Variants in SVOP observed in about 807,000 individuals in gnomAD.
The protein encoded by SVOP is synaptic vesicle 2-related protein.
In SVOP, 17 loss-of-function variants were observed where a neutral mutation model predicts 69.1. The ratio of observed to expected loss-of-function variants is 0.25; its 90% CI spans 0.17 to 0.37. The LOEUF (loss-of-function observed/expected upper bound fraction) is 0.37, where lower values mean the gene tolerates loss of function less well. Among genes scored for constraint, SVOP ranks in the 10% least tolerant of loss-of-function variants. The pLI, the probability that SVOP is intolerant of heterozygous loss-of-function variation, is 1.00. For synonymous variants in SVOP, 238 were observed against 238.6 expected, an observed-to-expected ratio of 1.00 and a Z score of 0.02; for missense variants, 435 against 597.5, an observed-to-expected ratio of 0.73 and a Z score of 2.84.
intron 1 of SVOP, among the ~76,000 whole-genome samples, chr12:108,993,380 A>AG (rs2040213976): frequency 6.7e-6 from 1 of 148,740 alleles, no homozygotes; most frequent in African/African-American, 2.5e-5. Context: ...TTTGCCTTCA[A>AG]AAAAAAAAAA....
At chr12:108,937,106 C>T (rs2039861097) in intron 10 of SVOP, 158 bp downstream of exon 10, 3 of 712,344 alleles carry the variant, frequency 4.2e-6, no homozygotes, top group Non-Finnish European at 7.6e-6. Context: ...AGATGATAAC[C>T]TGGATATGAC....
intron 5 of SVOP, among the ~76,000 whole-genome samples, chr12:108,968,289 T>C (rs528167220): frequency 6.6e-6 from 1 of 152,320 alleles, no homozygotes; most frequent in East Asian, 1.9e-4. Context: ...GCAGCCCCTT[T>C]CCTCACGGAG....
chr12:108,977,752 A>G (rs2040114989), intron 3 of SVOP, among the ~76,000 whole-genome samples: 1 of 151,846 alleles, frequency 6.6e-6, no homozygotes, highest in Non-Finnish European at 1.5e-5. Flanking sequence ...AAATATGGGC[A>G]TATCACAAAC....
chr12:108,937,420 A>T, intron 9 of SVOP, 83 bp from the exon 10 acceptor site: 1 of 1,337,564 alleles, frequency 7.5e-7, no homozygotes, highest in Non-Finnish European at 1.1e-6. Flanking sequence ...ACTAGTGCAC[A>T]CCAGGCTGGG....
intron 11 of SVOP, among the ~76,000 whole-genome samples, chr12:108,923,387 G>A (rs570295717): frequency 9.2e-5 from 14 of 152,270 alleles, no homozygotes; most frequent in African/African-American, 3.1e-4. Flanking sequence ...TAGTTGCTGA[G>A]GGCAGCCTCA....
At chr12:108,912,873 C>T in intron 15 of SVOP, 132 bp from the exon 16 acceptor site, 1 of 940,860 alleles carries the variant, frequency 1.1e-6, no homozygotes, top group Non-Finnish European at 1.6e-6. Context: ...GTGATTCCCT[C>T]CTCTCCCCCT....
intron 1 of SVOP, among the ~76,000 whole-genome samples, chr12:108,986,310 T>C (rs2040165539): frequency 6.6e-6 from 1 of 152,238 alleles, no homozygotes; most frequent in Admixed American, 6.5e-5. Flanking sequence ...GAACCGGGAT[T>C]CAACCACAGG....
At position 108,922,757 on chromosome 12, in the gene SVOP, C is replaced by A. The variant is rs745966486; in HGVS notation, c.1089G>T (p.Leu363=). 6.2e-7 allele frequency: 1 copy of A among 1,611,468 alleles called. No individual in the cohort carries two copies. Among genetic ancestry groups the A allele is most frequent in the Admixed American group, 1.7e-5 (1 of 59,650 alleles). Residue 363 remains leucine (L), a synonymous_variant, in exon 12 of 16, where the codon CTG becomes CTT. Coordinates refer to ENST00000610966, the MANE Select transcript of SVOP (RefSeq NM_018711.5). ...RKKAVEAKCS[L]ACEYLSEEDY... Reference sequence around the variant, plus strand: ...CCTCCTCACTCAGGTACTCGCAGGCCAGGCTGCATTTTGCCTCTACAGCCT... The same window carrying A: ...CCTCCTCACTCAGGTACTCGCAGGCAAGGCTGCATTTTGCCTCTACAGCCT...
chr12:109,016,245 CA>C (rs1042628834), intron 1 of SVOP, among the ~76,000 whole-genome samples: 3 of 152,214 alleles, frequency 2.0e-5, no homozygotes, highest in Non-Finnish European at 4.4e-5. Context: ...GGCCCGAGGC[CA>C]CCCAGATAGG....
At chr12:108,929,515 C>A (rs1184290696) in intron 11 of SVOP, among the ~76,000 whole-genome samples, 3 of 152,110 alleles carry the variant, frequency 2.0e-5, no homozygotes, top group African/African-American at 7.2e-5. Context: ...CACTATGTTG[C>A]CCAGGCTGGT....
At position 108,945,090 on chromosome 12, in the gene SVOP, C is replaced by G. The variant is rs377634111; in HGVS notation, c.642+13G>C. Reference sequence around the variant, plus strand: ...CCACATGCTCTAGAGACCCAGGCCGCTCTCCTCCTTACCTCAATCAGCAAA... The same window carrying G: ...CCACATGCTCTAGAGACCCAGGCCGGTCTCCTCCTTACCTCAATCAGCAAA... On this transcript the variant is annotated intron_variant, in intron 7 of 15. Transcript: ENST00000610966. 1.2e-4 allele frequency: 182 copies of G among 1,536,752 alleles called. No individual in the cohort carries two copies. Among genetic ancestry groups the G allele is most frequent in the Non-Finnish European group, 1.5e-4 (176 of 1,146,700 alleles).
intron 1 of SVOP, among the ~76,000 whole-genome samples, chr12:108,992,098 A>C (rs2040205541): frequency 6.6e-6 from 1 of 152,188 alleles, no homozygotes; most frequent in Non-Finnish European, 1.5e-5. Context: ...TGTAGTATTT[A>C]CCAATATCTG....
chr12:108,956,345 CTT>C, intron 6 of SVOP, among the ~76,000 whole-genome samples: 1 of 151,808 alleles, frequency 6.6e-6, no homozygotes, highest in East Asian at 1.9e-4. Context: ...TAGGCTGTCT[CTT>C]CCAGTCTTCC....
intron 6 of SVOP, among the ~76,000 whole-genome samples, chr12:108,948,122 AG>A (rs1029082326): frequency 1.3e-5 from 2 of 151,942 alleles, no homozygotes; most frequent in African/African-American, 4.8e-5. Context: ...GCATTGGGGG[AG>A]GGGTGGGGGT....
rs970227244 is a variant in SVOP, at chr12:108,960,777, C to T, written c.578+146G>A. The T allele has an allele frequency of 5.3e-6, 5 of 936,554 alleles. No homozygotes were observed. In the African/African-American group the frequency reaches 8.3e-5, roughly 16 times the overall value. The allele number at this position is 936,554 out of a possible 1,614,324, so 58.0% of individuals were successfully genotyped here. On this transcript the variant is annotated intron_variant, in intron 6 of 15. Transcript: ENST00000610966. ...ATAATGATGCTATTTTCTTGCTACA[C>T]CATAGCTCCTTGATCCTGGAAGCCC...
chr12:108,908,808 G>A lies in SVOP; in HGVS notation c.*3727C>T, dbSNP rs1049038460. ...TTGCTATCCTTCTTCTGTGCTAACAGAATCCCAATTTTGTGTTCAGGAGGC... is the reference window on the plus strand; with the variant it reads ...TTGCTATCCTTCTTCTGTGCTAACAAAATCCCAATTTTGTGTTCAGGAGGC... On this transcript the variant is annotated 3_prime_UTR_variant, in exon 16 of 16. Coordinates refer to ENST00000610966, the MANE Select transcript of SVOP (RefSeq NM_018711.5). The A allele has an allele frequency of 4.6e-5, 7 of 152,200 alleles. No individual in the cohort carries two copies. Among genetic ancestry groups the A allele is most frequent in the African/African-American group, 1.7e-4 (7 of 41,438 alleles). 9.4% of individuals were successfully genotyped at this position (152,200 alleles called of 1,614,324 possible).
chr12:108,973,347 G>A (rs950390628), intron 4 of SVOP, among the ~76,000 whole-genome samples: 8 of 141,876 alleles, frequency 5.6e-5, no homozygotes, highest in East Asian at 2.1e-4. Flanking sequence ...ACACAGAAGC[G>A]TTCCAAGGGA....
intron 5 of SVOP, among the ~76,000 whole-genome samples, chr12:108,971,930 T>A (rs74196064): frequency 0.01 from 1,583 of 152,102 alleles, 13 homozygotes; most frequent in South Asian, 0.023. Context: ...GGCGCATGCT[T>A]GTAGTCCCAG....
At chr12:108,930,978 A>T (rs1475853821) in intron 11 of SVOP, among the ~76,000 whole-genome samples, 4 of 152,182 alleles carry the variant, frequency 2.6e-5, no homozygotes, top group African/African-American at 9.7e-5. Context: ...TTACTACCTG[A>T]CCTTTTATAG....
Sources: allele counts gnomAD v4.1 joint callset (sites outside exome capture counted in the v4.1 genomes callset), GRCh38; gene constraint gnomAD v4.1.1; transcripts MANE v1.5; gene names NCBI Gene and HGNC (gene_info 2026-07-23, HGNC 2026-07-21).